Variants in BCL9 observed in about 807,000 individuals in gnomAD.
BCL9 encodes BCL9 transcription coactivator, also known as B-cell CLL/lymphoma 9 protein.
In BCL9, 25 loss-of-function variants were observed where a neutral mutation model predicts 88.5. The ratio of observed to expected loss-of-function variants is 0.28; its 90% CI spans 0.21 to 0.39. The LOEUF (loss-of-function observed/expected upper bound fraction) is 0.39. BCL9 is among the 10% of genes least tolerant of loss of function. The pLI, the probability that BCL9 is intolerant of heterozygous loss-of-function variation, is 1.00. For synonymous variants in BCL9, 711 were observed against 673.3 expected (o/e 1.06, Z -0.87); for missense variants, 1,817 against 1,877.8 (o/e 0.97, Z 0.60).
intron 1 of BCL9, among the ~76,000 whole-genome samples, chr1:147,599,274 G>A (rs1300441748): frequency 6.6e-6 from 1 of 152,256 alleles, no homozygotes; most frequent in Non-Finnish European, 1.5e-5. Context: ...AGCCGGCCAT[G>A]GCCCAGGCGG....
chr1:147,602,453 G>A (rs1427388974), intron 1 of BCL9, among the ~76,000 whole-genome samples: 3 of 151,786 alleles, frequency 2.0e-5, no homozygotes, highest in Non-Finnish European at 2.9e-5. Flanking sequence ...CTCGTGATCC[G>A]CCTGCCTCCG....
Position 147,571,991 on chromosome 1 carries a change from G to T in BCL9, c.-478+30317G>T, listed in dbSNP as rs138126395. On this transcript the variant is annotated intron_variant, in intron 1 of 9. Coordinates refer to ENST00000234739, the MANE Select transcript of BCL9 (RefSeq NM_004326.4). ...TCATGCCTGTAATCCCAGCACTTTGGGAGGCTGAGGCGGGCGGATCATGGG... is the reference window on the plus strand; with the variant it reads ...TCATGCCTGTAATCCCAGCACTTTGTGAGGCTGAGGCGGGCGGATCATGGG... Among the ~76,000 whole-genome samples, 444 of 152,250 alleles carry T rather than the reference G, an allele frequency of 2.9e-3. 10 individuals are homozygous for T. In the East Asian group the frequency reaches 0.056, roughly 19 times the overall value.
intron 1 of BCL9, among the ~76,000 whole-genome samples, chr1:147,543,563 T>C (rs2101450205): frequency 6.6e-6 from 1 of 152,334 alleles, no homozygotes; most frequent in South Asian, 2.1e-4. Context: ...TATGCATATA[T>C]ATATCTGAAA....
chr1:147,591,716 C>G (rs1239061473), intron 1 of BCL9, among the ~76,000 whole-genome samples: 4 of 152,172 alleles, frequency 2.6e-5, no homozygotes, highest in Admixed American at 2.6e-4. Context: ...TCCCTCCTGG[C>G]CATCCTCCCC....
chr1:147,601,126 A>G (rs933262425), intron 1 of BCL9, among the ~76,000 whole-genome samples: 1 of 152,190 alleles, frequency 6.6e-6, no homozygotes, highest in Non-Finnish European at 1.5e-5. Context: ...AGGAGGCCAG[A>G]AATCTGTCCT....
chr1:147,544,943 G>C (rs897922477), intron 1 of BCL9, among the ~76,000 whole-genome samples: 6 of 151,994 alleles, frequency 3.9e-5, no homozygotes, highest in African/African-American at 1.5e-4. Flanking sequence ...GTTAATGTTG[G>C]CATCACCATT....
At chr1:147,595,139 T>G (rs1259014933) in intron 1 of BCL9, among the ~76,000 whole-genome samples, 6 of 152,234 alleles carry the variant, frequency 3.9e-5, no homozygotes, top group Non-Finnish European at 7.3e-5. Flanking sequence ...GTAAAGATAT[T>G]CAGCATCATC....
rs781962236 is a variant in BCL9, at chr1:147,614,547, C to G, written c.491C>G (p.Thr164Arg). ...CCCTCCCATGGCCAAACTACTGCCA[C>G]AGAGCCCACACCTGCTCAGAAGACT... ...STPSHGQTTA[T>R]EPTPAQKTPA... Residue 164 changes from threonine to arginine, a missense_variant, in exon 6 of 10, where the codon ACA becomes AGA. Coordinates refer to ENST00000234739, the MANE Select transcript of BCL9 (RefSeq NM_004326.4). The G allele has an allele frequency of 6.2e-7, 1 of 1,614,106 alleles. No homozygotes were observed. Among genetic ancestry groups the G allele is most frequent in the Non-Finnish European group, 8.5e-7 (1 of 1,180,024 alleles).
chr1:147,568,285 T>C (rs1416104479), intron 1 of BCL9, among the ~76,000 whole-genome samples: 3 of 152,158 alleles, frequency 2.0e-5, no homozygotes, highest in Non-Finnish European at 4.4e-5. Flanking sequence ...CTTTAAAATC[T>C]AACAGCAAAA....
intron 1 of BCL9, among the ~76,000 whole-genome samples, chr1:147,573,727 C>A (rs1465259349): frequency 6.6e-6 from 1 of 152,188 alleles, no homozygotes; most frequent in Non-Finnish European, 1.5e-5. Context: ...TCATGTACTA[C>A]ATTTAACACA....
chr1:147,596,411 C>CTTTCTTTTTTTTTTTTTTT (rs1657051784), intron 1 of BCL9, among the ~76,000 whole-genome samples: 1 of 6,590 alleles, frequency 1.5e-4, no homozygotes, highest in African/African-American at 7.1e-4. Context: ...TCTTTTTTTT[C>CTTTCTTTTTTTTTTTTTTT]TTTTCTTTTT....
chr1:147,589,541 G>A lies in BCL9; in HGVS notation c.-477-15236G>A, dbSNP rs191141752. 3.1e-4 allele frequency among the ~76,000 whole-genome samples: 47 copies of A among 152,230 alleles called. No individual in the cohort carries two copies. The Middle Eastern group carries it at 0.01, about 33-fold the overall frequency. ...CTGCTTTCTGTCTCTATAGATTTAC[G>A]TTTTCAGGACATTTCATGTAAATGA... On this transcript the variant is annotated intron_variant, in intron 1 of 9. Coordinates refer to ENST00000234739, the MANE Select transcript of BCL9 (RefSeq NM_004326.4).
chr1:147,568,760 C>G (rs1259142333), intron 1 of BCL9, among the ~76,000 whole-genome samples: 1 of 152,062 alleles, frequency 6.6e-6, no homozygotes, highest in Non-Finnish European at 1.5e-5. Flanking sequence ...TGTGTCTAGC[C>G]CCAGGGCATT....
chr1:147,567,074 A>G (rs1285495797), intron 1 of BCL9, among the ~76,000 whole-genome samples: 2 of 152,164 alleles, frequency 1.3e-5, no homozygotes, highest in East Asian at 1.9e-4. Flanking sequence ...TCCAATACTG[A>G]TATTATCTGT....
chr1:147,584,164 C>G (rs1192100150), intron 1 of BCL9, among the ~76,000 whole-genome samples: 1 of 151,662 alleles, frequency 6.6e-6, no homozygotes, highest in African/African-American at 2.4e-5. Context: ...TCTCCTGCCT[C>G]AGCCTCCCAA....
intron 1 of BCL9, among the ~76,000 whole-genome samples, chr1:147,585,407 G>C (rs1553199092): frequency 2.0e-5 from 3 of 152,068 alleles, no homozygotes; most frequent in Non-Finnish European, 4.4e-5. Flanking sequence ...GTACAGCTTG[G>C]GGGGATTGTG....
intron 1 of BCL9, among the ~76,000 whole-genome samples, chr1:147,589,710 C>T (rs1391079416): frequency 6.6e-6 from 1 of 151,364 alleles, no homozygotes; most frequent in Non-Finnish European, 1.5e-5. Flanking sequence ...TAGGGATAGA[C>T]CACGTTTTAT....
intron 1 of BCL9, among the ~76,000 whole-genome samples, chr1:147,577,051 TA>T (rs1553198154): frequency 1.3e-5 from 2 of 152,172 alleles, no homozygotes; most frequent in African/African-American, 4.8e-5. Context: ...TAGTACGCTA[TA>T]TTTTTTTTTA....
chr1:147,563,882 AC>A (rs1415617407), intron 1 of BCL9, among the ~76,000 whole-genome samples: 1 of 152,222 alleles, frequency 6.6e-6, no homozygotes, highest in Non-Finnish European at 1.5e-5. Flanking sequence ...AATCCTGAAA[AC>A]AGGTAAAATG....
Sources: allele counts gnomAD v4.1 joint callset (sites outside exome capture counted in the v4.1 genomes callset), GRCh38; gene constraint gnomAD v4.1.1; transcripts MANE v1.5; gene names NCBI Gene and HGNC (gene_info 2026-07-23, HGNC 2026-07-21).